The following TMX4 variants were observed in gnomAD, a reference collection of about 807,000 sequenced individuals.
The protein encoded by TMX4 is thioredoxin-related transmembrane protein 4.
In TMX4, 23 loss-of-function variants were observed where a neutral mutation model predicts 33.3. The observed-to-expected ratio is 0.69, with a 90% confidence interval of 0.50 to 0.98. TMX4 has a LOEUF of 0.98. Among genes scored for constraint, TMX4 ranks in the 50% least tolerant of loss-of-function variants. The pLI is 0.00. For synonymous variants in TMX4, 164 were observed against 161.5 expected (o/e 1.02, Z -0.12); for missense variants, 399 against 448.9 (o/e 0.89, Z 1.01).
intron 5 of TMX4, among the ~76,000 whole-genome samples, chr20:7,988,390 TTA>T (rs2122855335): frequency 6.6e-6 from 1 of 152,354 alleles, no homozygotes; most frequent in East Asian, 1.9e-4. Context: ...GTTTCTTAGT[TTA>T]TGTCAATGCA....
chr20:7,984,891 A>G (rs1412025463), intron 6 of TMX4, among the ~76,000 whole-genome samples: 3 of 152,116 alleles, frequency 2.0e-5, no homozygotes, highest in Non-Finnish European at 4.4e-5. Flanking sequence ...CCCAACAGAC[A>G]TGTCATCCTT....
intron 5 of TMX4, among the ~76,000 whole-genome samples, chr20:7,989,867 G>A (rs2050646673): frequency 6.6e-6 from 1 of 152,122 alleles, no homozygotes; most frequent in Non-Finnish European, 1.5e-5. Flanking sequence ...GTTTTCACTT[G>A]TGGAAAATAC....
chr20:8,013,149 CAT>C (rs1043430356), intron 1 of TMX4, among the ~76,000 whole-genome samples: 1 of 151,958 alleles, frequency 6.6e-6, no homozygotes, highest in African/African-American at 2.4e-5. Flanking sequence ...CACATAGATA[CAT>C]ATATATATAA....
At chr20:7,987,168 A>T in intron 6 of TMX4, 120 bp downstream of exon 6, 1 of 692,444 alleles carries the variant, frequency 1.4e-6, no homozygotes, top group Non-Finnish European at 2.4e-6. Context: ...AATGCTATTT[A>T]ACTACTTAGA....
intron 1 of TMX4, chr20:8,018,878 C>T (rs993834386): frequency 7.2e-5 from 22 of 303,898 alleles, no homozygotes; most frequent in Admixed American, 4.7e-5. Flanking sequence ...TTTATTCTCA[C>T]AATGACATCT....
chr20:7,992,312 T>C (rs1398390943), intron 5 of TMX4, among the ~76,000 whole-genome samples: 2 of 152,212 alleles, frequency 1.3e-5, no homozygotes, highest in African/African-American at 4.8e-5. Flanking sequence ...TTTGTGAGGA[T>C]AGATATTAAC....
At position 8,019,518 on chromosome 20, in the gene TMX4, C is replaced by T. The variant is rs2050802444; in HGVS notation, c.96G>A (p.Leu32=). 2 of 1,496,746 alleles carry T rather than the reference C, an allele frequency of 1.3e-6. No homozygotes were observed. Among genetic ancestry groups the T allele is most frequent in the South Asian group, 1.3e-5 (1 of 78,880 alleles). 92.7% of individuals were successfully genotyped at this position (1,496,746 alleles called of 1,614,324 possible). The change falls in exon 1 of 8, where the codon CTG becomes CTA. Residue 32 remains leucine, a synonymous_variant. Coordinates refer to ENST00000246024, the MANE Select transcript of TMX4 (RefSeq NM_021156.4). Reference sequence around the variant, plus strand: ...GCTGGACCCGGCTCTGCTCCGGCGGCAGCGCGGCCTCCTCGGGGCCTGCCG... The same window carrying T: ...GCTGGACCCGGCTCTGCTCCGGCGGTAGCGCGGCCTCCTCGGGGCCTGCCG... ...AATAGPEEAA[L]PPEQSRVQPM... is the part of the protein sequence containing the mutation.
intron 4 of TMX4, among the ~76,000 whole-genome samples, chr20:7,996,320 G>A (rs2050676259): frequency 6.6e-6 from 1 of 152,080 alleles, no homozygotes; most frequent in Admixed American, 6.6e-5. Flanking sequence ...TCTCAACACT[G>A]AGCAGCTGAA....
At position 7,978,455 on chromosome 20, in the gene TMX4, G is replaced by C. The variant is rs1169771857; in HGVS notation, c.*3796C>G. On this transcript the variant is annotated 3_prime_UTR_variant, in exon 8 of 8. Transcript: ENST00000246024. ...ATGACTTTTATCGTCTACCCCAAAG[G>C]TGTTTTTACAGGATGCAGGTTCTGT... The C allele has an allele frequency of 6.6e-6, 1 of 152,178 alleles. No homozygotes were observed. Among genetic ancestry groups the C allele is most frequent in the East Asian group, 1.9e-4 (1 of 5,188 alleles). The allele number at this position is 152,178 out of a possible 1,614,324, so 9.4% of individuals were successfully genotyped here.
chr20:8,009,046 T>C (rs922468224), intron 2 of TMX4, among the ~76,000 whole-genome samples: 1 of 152,176 alleles, frequency 6.6e-6, no homozygotes, highest in African/African-American at 2.4e-5. Flanking sequence ...TCTACACTTC[T>C]ATACCCATCT....
chr20:8,018,336 AG>A (rs2050785574), intron 1 of TMX4, among the ~76,000 whole-genome samples: 7 of 116,164 alleles, frequency 6.0e-5, no homozygotes, highest in African/African-American at 2.3e-4. Flanking sequence ...AGAGAGAGAG[AG>A]AGAGAGAGGA....
chr20:7,999,832 G>C lies in TMX4; in HGVS notation c.367C>G (p.Arg123Gly), dbSNP rs921126844. 1 of 1,613,466 alleles carries C rather than the reference G, an allele frequency of 6.2e-7. No homozygotes were observed. Among genetic ancestry groups the C allele is most frequent in the Non-Finnish European group, 8.5e-7 (1 of 1,179,738 alleles). ...HAKDGIFRRYRGPGIFEDLQN... is the reference protein window; with the variant it reads ...HAKDGIFRRYGGPGIFEDLQN... ...AGGTCTTCGAAGATTCCTGGGCCACGATAACGGCGGAATATCCCATCCTTT... is the reference window on the plus strand; with the variant it reads ...AGGTCTTCGAAGATTCCTGGGCCACCATAACGGCGGAATATCCCATCCTTT... The change falls in exon 4 of 8, where the codon CGT becomes GGT. Residue 123 changes from arginine to glycine, a missense_variant. Arg to Gly is a moderately radical substitution (Grantham distance 125). Coordinates refer to ENST00000246024, the MANE Select transcript of TMX4 (RefSeq NM_021156.4).
chr20:7,993,966 T>C (rs1195308145), intron 5 of TMX4, among the ~76,000 whole-genome samples: 2 of 152,134 alleles, frequency 1.3e-5, no homozygotes, highest in East Asian at 3.8e-4. Context: ...TATATACTTT[T>C]TATAAGATTT....
chr20:7,983,095 A>G (rs1309748900), intron 7 of TMX4, among the ~76,000 whole-genome samples: 1 of 152,168 alleles, frequency 6.6e-6, no homozygotes, highest in African/African-American at 2.4e-5. Context: ...GAGAAACCTA[A>G]CATCACTTGG....
chr20:7,988,922 T>C (rs927904685), intron 5 of TMX4, among the ~76,000 whole-genome samples: 4 of 151,744 alleles, frequency 2.6e-5, no homozygotes, highest in African/African-American at 4.8e-5. Context: ...ACTCAGGGGA[T>C]TGAGGCAGGA....
rs2050593677 is a variant in TMX4, at chr20:7,979,101, C to A, written c.*3150G>T. ...TTTTTTTTTTTTAGATTTTAAAAAT[C>A]AAAATCATGTTTCCATGCACTTGAG... is the stretch of plus-strand genomic sequence containing the variant. On this transcript the variant is annotated 3_prime_UTR_variant, in exon 8 of 8. Transcript: ENST00000246024. 1 of 150,328 alleles carries A rather than the reference C, an allele frequency of 6.7e-6. No homozygotes were observed. Among genetic ancestry groups the A allele is most frequent in the Non-Finnish European group, 1.5e-5 (1 of 67,640 alleles). The allele number at this position is 150,328 out of a possible 1,614,324, so 9.3% of individuals were successfully genotyped here. A position where few individuals can be genotyped will look rare whatever the true frequency, so the allele number is the denominator to read the frequency against.
intron 1 of TMX4, among the ~76,000 whole-genome samples, chr20:8,016,471 T>G (rs1373936475): frequency 6.6e-6 from 1 of 152,212 alleles, no homozygotes; most frequent in African/African-American, 2.4e-5. Context: ...ATAGAAACGG[T>G]GAATTACTGC....
At chr20:8,005,861 C>T (rs923581023) in intron 2 of TMX4, among the ~76,000 whole-genome samples, 4 of 152,186 alleles carry the variant, frequency 2.6e-5, no homozygotes, top group Non-Finnish European at 2.9e-5. Context: ...CACCTTCCCA[C>T]TCCATCCCCG....
chr20:8,005,120 T>G (rs951344427), intron 2 of TMX4, among the ~76,000 whole-genome samples: 2 of 152,202 alleles, frequency 1.3e-5, no homozygotes, highest in African/African-American at 4.8e-5. Flanking sequence ...TCTGCATTAA[T>G]CAGTAGTTTT....
Sources: allele counts gnomAD v4.1 joint callset (sites outside exome capture counted in the v4.1 genomes callset), GRCh38; gene constraint gnomAD v4.1.1; transcripts MANE v1.5; gene names NCBI Gene and HGNC (gene_info 2026-07-23, HGNC 2026-07-21).